SKI: variants seen among roughly 807,000 people sequenced by gnomAD.
The protein encoded by SKI is ski oncogene.
SKI carries 23 observed loss-of-function variants against 59.3 expected under a neutral mutation model. The ratio of observed to expected loss-of-function variants is 0.39; its 90% CI spans 0.28 to 0.55. SKI has a LOEUF of 0.55. Ranked by LOEUF, SKI falls within the 20% of genes least tolerant of loss-of-function variation. The pLI is 0.67. For synonymous variants in SKI, 673 were observed against 488.6 expected, an observed-to-expected ratio of 1.38 and a Z score of -4.98; for missense variants, 1,017 against 1,038.9, an observed-to-expected ratio of 0.98 and a Z score of 0.29.
intron 1 of SKI, among the ~76,000 whole-genome samples, chr1:2,247,621 C>T (rs1639027551): frequency 6.6e-6 from 1 of 152,214 alleles, no homozygotes; most frequent in Non-Finnish European, 1.5e-5. Flanking sequence ...GGGGTGCAGC[C>T]ACCAGGCAAG....
chr1:2,285,766 A>G (rs1333149620), intron 1 of SKI, among the ~76,000 whole-genome samples: 5 of 150,112 alleles, frequency 3.3e-5, no homozygotes, highest in Admixed American at 6.6e-5. Context: ...GGTTTTTACC[A>G]TGTTGGCCAG....
chr1:2,280,542 A>G (rs1423480741), intron 1 of SKI, among the ~76,000 whole-genome samples: 2 of 151,970 alleles, frequency 1.3e-5, no homozygotes, highest in Non-Finnish European at 1.5e-5. Context: ...CCCGCCACAC[A>G]CCTTTTAAAG....
intron 1 of SKI, among the ~76,000 whole-genome samples, chr1:2,244,060 G>C (rs1457496443): frequency 1.3e-5 from 2 of 151,958 alleles, no homozygotes; most frequent in Non-Finnish European, 2.9e-5. Context: ...CCGCCTCCCG[G>C]GTTCATCCCA....
At chr1:2,305,967 G>C in intron 5 of SKI, 53 bp from the exon 6 acceptor site, 1 of 1,332,944 alleles carries the variant, frequency 7.5e-7, no homozygotes, top group Non-Finnish European at 1.1e-6. Context: ...GTCATGGTGA[G>C]GGGTGTGCTG....
intron 1 of SKI, among the ~76,000 whole-genome samples, chr1:2,292,305 C>T (rs757437612): frequency 6.6e-6 from 1 of 152,200 alleles, no homozygotes; most frequent in Non-Finnish European, 1.5e-5. Flanking sequence ...TTTGTCCAGG[C>T]TTTGGGGTGG....
rs200242660 is a variant in SKI at position 2,303,410 on chromosome 1, C to T, written c.1211+10C>T. ...CCCTCATCCGAGACAGGTGAGTGGG[C>T]GCCATTCACAGGTGTTTCTGATCAC... On this transcript the variant is annotated intron_variant, in intron 3 of 6. Transcript: ENST00000378536. This position sits in a 1 kb window ranked among gnomAD's most constrained non-coding sequence, Gnocchi z 5.6. The T allele has an allele frequency of 5.9e-5, 95 of 1,598,022 alleles. No individual in the cohort carries two copies. The Middle Eastern group carries it at 1.7e-3, about 28-fold the overall frequency.
At chr1:2,263,383 G>A (rs531728377) in intron 1 of SKI, among the ~76,000 whole-genome samples, 3 of 151,782 alleles carry the variant, frequency 2.0e-5, no homozygotes, top group South Asian at 2.1e-4. Flanking sequence ...GATTACAGGC[G>A]CATGCCACTG....
chr1:2,284,997 T>A (rs1640005886), intron 1 of SKI, among the ~76,000 whole-genome samples: 1 of 152,214 alleles, frequency 6.6e-6, no homozygotes, highest in East Asian at 1.9e-4. Flanking sequence ...CAGAAAAGCC[T>A]TTTTGTTCTT....
intron 1 of SKI, among the ~76,000 whole-genome samples, chr1:2,252,823 G>C (rs1056241612): frequency 6.6e-6 from 1 of 152,116 alleles, no homozygotes; most frequent in Non-Finnish European, 1.5e-5. Context: ...GGCCAGGCGC[G>C]GTATCTCGTG....
chr1:2,271,168 G>A (rs1486652199), intron 1 of SKI, among the ~76,000 whole-genome samples: 3 of 152,084 alleles, frequency 2.0e-5, no homozygotes, highest in Non-Finnish European at 2.9e-5. Context: ...CCAGGGTCCC[G>A]GGACAGTCCC....
chr1:2,244,299 TG>T (rs1181163680), intron 1 of SKI, among the ~76,000 whole-genome samples: 1 of 149,082 alleles, frequency 6.7e-6, no homozygotes, highest in Non-Finnish European at 1.5e-5. Flanking sequence ...TCATTTAGGC[TG>T]GGCATGGTGG....
chr1:2,299,376 C>T (rs558992117), intron 1 of SKI, among the ~76,000 whole-genome samples: 2 of 152,162 alleles, frequency 1.3e-5, no homozygotes, highest in Admixed American at 6.5e-5. Flanking sequence ...CCCGGGCTCT[C>T]GGTGCCCTGG....
chr1:2,265,202 G>C (rs1365749277), intron 1 of SKI, among the ~76,000 whole-genome samples: 2 of 152,190 alleles, frequency 1.3e-5, no homozygotes, highest in Non-Finnish European at 2.9e-5. Context: ...GGAGTACGTT[G>C]TGTAGTTTTT....
At chr1:2,263,558 A>C (rs1352622772) in intron 1 of SKI, among the ~76,000 whole-genome samples, 1 of 151,734 alleles carries the variant, frequency 6.6e-6, no homozygotes, top group African/African-American at 2.4e-5. Context: ...ATTTATATTC[A>C]TGAGGGATGT....
At chr1:2,265,527 A>G (rs1250343146) in intron 1 of SKI, among the ~76,000 whole-genome samples, 3 of 152,058 alleles carry the variant, frequency 2.0e-5, no homozygotes, top group African/African-American at 4.8e-5. Flanking sequence ...TAACAGTTCC[A>G]GTGTTCTCTG....
Position 2,229,809 on chromosome 1 carries a change from G to A in SKI, c.969+74G>A, listed in dbSNP as rs1446896604. The A allele has an allele frequency of 3.2e-6, 5 of 1,547,560 alleles. No individual in the cohort carries two copies. In the East Asian group the frequency reaches 9.8e-5, roughly 30 times the overall value. On this transcript the variant is annotated intron_variant, in intron 1 of 6. Coordinates refer to ENST00000378536, the MANE Select transcript of SKI (RefSeq NM_003036.4). The surrounding 1 kb of genome is among the most constrained non-coding windows in gnomAD (Gnocchi z 6.3). ...GGCCCCTTCTGGACTACAGGCTCTGGTCTCCGAAGGCTGGGACCTGTGCTT... is the reference window on the plus strand; with the variant it reads ...GGCCCCTTCTGGACTACAGGCTCTGATCTCCGAAGGCTGGGACCTGTGCTT...
chr1:2,306,364 ACC>A, intron 6 of SKI, 114 bp downstream of exon 6: 1 of 1,128,880 alleles, frequency 8.9e-7, no homozygotes, highest in Non-Finnish European at 1.2e-6. Flanking sequence ...CAGGCCCGGG[ACC>A]ACGTTCCGTG....
chr1:2,276,902 C>G (rs1246795682), intron 1 of SKI, among the ~76,000 whole-genome samples: 3 of 152,132 alleles, frequency 2.0e-5, no homozygotes, highest in African/African-American at 7.2e-5. Context: ...TCCCTTTGAC[C>G]CCTGATGCGT....
At position 2,303,160 on chromosome 1, in the gene SKI, G is replaced by A. The variant is rs1640470250; in HGVS notation, c.1095+57G>A. 1.2e-5 allele frequency: 20 copies of A among 1,610,408 alleles called. No individual in the cohort carries two copies. The highest frequency in any genetic ancestry group is 8.0e-5 in the African/African-American group (6 of 75,010). Reference sequence around the variant, plus strand: ...GGTGGGTACTGGGCCCTTCTCCTTGGGCAGACCCAGCGGCTGGCAGCTCCA... The same window carrying A: ...GGTGGGTACTGGGCCCTTCTCCTTGAGCAGACCCAGCGGCTGGCAGCTCCA... On this transcript the variant is annotated intron_variant, in intron 2 of 6. Coordinates refer to ENST00000378536, the MANE Select transcript of SKI (RefSeq NM_003036.4). This position sits in a 1 kb window ranked among gnomAD's most constrained non-coding sequence, Gnocchi z 5.6.
Sources: gnomAD v4.1 joint callset for allele counts (sites outside exome capture counted in the v4.1 genomes callset) on GRCh38, gnomAD v4.1.1 for gene constraint, Gnocchi (gnomAD v3.1) non-coding constraint, MANE v1.5 for transcripts, NCBI Gene and HGNC (gene_info 2026-07-23, HGNC 2026-07-21) for gene names.